ARSG: variants seen among roughly 807,000 people sequenced by gnomAD.
ARSG encodes ASG.
Under a neutral mutation model 50.5 loss-of-function variants are expected in ARSG, and 37 were observed. The ratio of observed to expected loss-of-function variants is 0.73; its 90% confidence interval spans 0.56 to 0.96. ARSG has a LOEUF of 0.96. ARSG is among the 50% of genes least tolerant of loss of function. The probability of loss-of-function intolerance (pLI) is 0.00; values close to 1 mark genes in which losing one functional copy is unlikely to be tolerated. For missense variants in ARSG, 629 were observed against 675.3 expected, an observed-to-expected ratio of 0.93 and a Z score of 0.76; for synonymous variants, 225 against 254.6, an observed-to-expected ratio of 0.88 and a Z score of 1.11.
intron 2 of ARSG, among the ~76,000 whole-genome samples, chr17:68,314,987 T>G (rs1195534409): frequency 1.3e-5 from 2 of 152,144 alleles, no homozygotes; most frequent in Non-Finnish European, 2.9e-5. Context: ...GCTGCAACAA[T>G]CACTAACCCT....
At chr17:68,281,297 G>A (rs1214565098) in intron 1 of ARSG, among the ~76,000 whole-genome samples, 3 of 141,694 alleles carry the variant, frequency 2.1e-5, no homozygotes, top group African/African-American at 4.9e-5. Context: ...GGCTGGTGGC[G>A]GTGGCTCACG....
intron 11 of ARSG, among the ~76,000 whole-genome samples, chr17:68,405,839 T>C (rs1446534092): frequency 6.6e-6 from 1 of 152,248 alleles, no homozygotes; most frequent in Non-Finnish European, 1.5e-5. Flanking sequence ...ACTCTTGCTA[T>C]CTTTTGGTTA....
At chr17:68,350,613 A>G (rs951066236) in intron 4 of ARSG, among the ~76,000 whole-genome samples, 3 of 151,906 alleles carry the variant, frequency 2.0e-5, no homozygotes, top group Non-Finnish European at 2.9e-5. Flanking sequence ...GTGAAAACCC[A>G]TCTCTACTAA....
intron 1 of ARSG, among the ~76,000 whole-genome samples, chr17:68,284,645 G>A (rs2075800832): frequency 6.6e-6 from 1 of 152,112 alleles, no homozygotes; most frequent in Non-Finnish European, 1.5e-5. Context: ...CTAATGTTCT[G>A]AATTTACTCT....
downstream of ARSG, chr17:68,426,250 G>GGGGGGGGGGAA: frequency 1.2e-6 from 1 of 828,060 alleles, no homozygotes. Context: ...GGTGGGGAGC[G>GGGGGGGGGGAA]GGGGCTCAAA....
At chr17:68,434,708 T>C in the ARSG span, 4 of 1,455,616 alleles carry the variant, frequency 2.7e-6, no homozygotes, top group African/African-American at 4.2e-5. Flanking sequence ...GTTTGTTTTA[T>C]TGGTTTTGAA....
intron 5 of ARSG, among the ~76,000 whole-genome samples, chr17:68,355,253 T>C (rs1214334427): frequency 6.6e-6 from 1 of 152,208 alleles, no homozygotes; most frequent in East Asian, 1.9e-4. Flanking sequence ...TCTGGGAGCT[T>C]AAGTAACTTG....
chr17:68,391,412 G>C (rs2080986541), intron 9 of ARSG, among the ~76,000 whole-genome samples: 1 of 152,130 alleles, frequency 6.6e-6, no homozygotes, highest in South Asian at 2.1e-4. Flanking sequence ...TTGTGCTCCA[G>C]GTGGACTAGG....
intron 8 of ARSG, among the ~76,000 whole-genome samples, chr17:68,374,538 C>T (rs947775384): frequency 6.6e-6 from 1 of 152,000 alleles, no homozygotes; most frequent in Non-Finnish European, 1.5e-5. Context: ...CCCCATTCTT[C>T]GAGGGAATGA....
At chr17:68,272,736 A>G (rs1555749436) in intron 1 of ARSG, 2 of 1,614,174 alleles carry the variant, frequency 1.2e-6, no homozygotes, top group African/African-American at 1.3e-5. Context: ...GGATGGTTAC[A>G]GTTGGGAGAA....
At chr17:68,283,877 TCAAA>T (rs2075777441) in intron 1 of ARSG, among the ~76,000 whole-genome samples, 1 of 25,666 alleles carries the variant, frequency 3.9e-5, no homozygotes, top group Non-Finnish European at 7.6e-5. Context: ...AAACTCCGTC[TCAAA>T]AAAAAAAAAA....
rs570540784 is a variant in ARSG at position 68,322,568 on chromosome 17, G to A, written c.218+14857G>A. ...GGAGGCGGAGGTTGCAGTGCGCCAA[G>A]ATTGTGCCACTGCACTCCAGCCTGG... On this transcript the variant is annotated intron_variant, in intron 2 of 11. Coordinates refer to ENST00000621439, the MANE Select transcript of ARSG (RefSeq NM_001267727.2). Among the ~76,000 whole-genome samples, 305 of 152,120 alleles carry A rather than the reference G, an allele frequency of 2.0e-3. 2 individuals are homozygous for A. Among genetic ancestry groups the A allele is most frequent in the Middle Eastern group, 6.8e-3 (2 of 294 alleles).
At chr17:68,369,899 C>T (rs1322327125) in intron 7 of ARSG, among the ~76,000 whole-genome samples, 1 of 152,262 alleles carries the variant, frequency 6.6e-6, no homozygotes, top group East Asian at 1.9e-4. Context: ...AAGAGGCTCA[C>T]GATGGGACTG....
chr17:68,426,251 G>GGGGGGGGGGGT, downstream of ARSG: 6 of 825,460 alleles, frequency 7.3e-6, 1 homozygote, highest in Non-Finnish European at 5.8e-6. Context: ...GTGGGGAGCG[G>GGGGGGGGGGGT]GGGCTCAAAT....
chr17:68,449,496 G>A, the ARSG span, among the ~76,000 whole-genome samples: 3 of 152,148 alleles, frequency 2.0e-5, no homozygotes, highest in Non-Finnish European at 4.4e-5. Flanking sequence ...ATCTCATGTC[G>A]AATTGTAATC....
the ARSG span, chr17:68,435,820 C>T: frequency 2.1e-6 from 2 of 970,856 alleles, no homozygotes; most frequent in Non-Finnish European, 3.2e-6. Flanking sequence ...GTCCAGCTCC[C>T]TGTCTCTTCC....
intron 9 of ARSG, among the ~76,000 whole-genome samples, chr17:68,386,734 A>C (rs1320413165): frequency 6.6e-6 from 1 of 152,200 alleles, no homozygotes; most frequent in Admixed American, 6.5e-5. Context: ...GCCAGGCTGC[A>C]CATGGACAAG....
rs776176607 is a variant in ARSG, at chr17:68,396,292, C to T, written c.1212+1099C>T. Among the ~76,000 whole-genome samples, 5 of 152,166 alleles carry T rather than the reference C, an allele frequency of 3.3e-5. 1 individual carries two copies. Among genetic ancestry groups the T allele is most frequent in the African/African-American group, 7.2e-5 (3 of 41,432 alleles). On this transcript the variant is annotated intron_variant, in intron 10 of 11. Transcript: ENST00000621439. Reference sequence around the variant, plus strand: ...TTGGTCTCCCAAAGTGCTGGGATTACAGGTGTGAGCCACTGTATCCGACCT... The same window carrying T: ...TTGGTCTCCCAAAGTGCTGGGATTATAGGTGTGAGCCACTGTATCCGACCT...
downstream of ARSG, chr17:68,426,254 G>GGGGCCCCCCCCCCC: frequency 3.7e-6 from 3 of 816,904 alleles, no homozygotes; most frequent in East Asian, 3.5e-5. Flanking sequence ...GGGAGCGGGG[G>GGGGCCCCCCCCCCC]CTCAAATAAA....
Sources: gnomAD v4.1 joint callset for allele counts (sites outside exome capture counted in the v4.1 genomes callset) on GRCh38, gnomAD v4.1.1 for gene constraint, MANE v1.5 for transcripts, NCBI Gene and HGNC (gene_info 2026-07-23, HGNC 2026-07-21) for gene names.